The following CELSR1 variants were observed in gnomAD, a reference collection of about 807,000 sequenced individuals.
The protein encoded by CELSR1 is cadherin EGF LAG seven-pass G-type receptor 1.
In CELSR1, 110 loss-of-function variants were observed where a neutral mutation model predicts 249.1. That is an observed-to-expected ratio of 0.44 (90% confidence interval 0.38 to 0.52). CELSR1 has a LOEUF of 0.52. Ranked by LOEUF, CELSR1 falls within the 20% of genes least tolerant of loss-of-function variation. CELSR1 has a pLI of 0.00. For synonymous variants in CELSR1, 2,113 were observed against 1,900.0 expected (o/e 1.11, Z -2.92); for missense variants, 4,109 against 4,296.4 (o/e 0.96, Z 1.22).
rs1234792790 is a variant in CELSR1 at position 46,500,585 on chromosome 22, A to T, written c.3544+33042T>A. Among the ~76,000 whole-genome samples, 1 of 152,208 alleles carries T rather than the reference A, an allele frequency of 6.6e-6. No individual in the cohort carries two copies. The highest frequency in any genetic ancestry group is 1.5e-5 in the Non-Finnish European group (1 of 68,038). On this transcript the variant is annotated intron_variant, in intron 1 of 34. Transcript: ENST00000674500. The surrounding 1 kb of genome is among the most constrained non-coding windows in gnomAD (Gnocchi z 4.9). ...CAATGACACCCATAACTTGTCACAG[A>T]AGAACAGAGGCCCGAGCTAGCCCAC...
intron 1 of CELSR1, among the ~76,000 whole-genome samples, chr22:46,479,624 GC>G (rs1285699884): frequency 5.4e-5 from 6 of 111,670 alleles, no homozygotes; most frequent in Non-Finnish European, 9.5e-5. Flanking sequence ...TTGGGGGGGG[GC>G]CGGGGGTGGG....
Position 46,396,576 on chromosome 22 carries a change from T to G in CELSR1, c.5843+29A>C, listed in dbSNP as rs1056039354. 5.9e-6 allele frequency: 9 copies of G among 1,531,354 alleles called. No individual in the cohort carries two copies. The highest frequency in any genetic ancestry group is 7.9e-6 in the Non-Finnish European group (9 of 1,142,304). The allele number at this position is 1,531,354 out of a possible 1,614,324, so 94.9% of individuals were successfully genotyped here. On this transcript the variant is annotated intron_variant, in intron 13 of 34. Transcript: ENST00000674500. This position sits in a 1 kb window ranked among gnomAD's most constrained non-coding sequence, Gnocchi z 6.4. ...AACACAGCCACATGGACTCTGAAGGTGCAGGGAGGCACCAGGGGCTGCTCT... is the reference window on the plus strand; with the variant it reads ...AACACAGCCACATGGACTCTGAAGGGGCAGGGAGGCACCAGGGGCTGCTCT...
At position 46,368,549 on chromosome 22, in the gene CELSR1, T is replaced by C. The variant is rs552932722; in HGVS notation, c.7952+630A>G. ...CCAGCCCCTGCGCAAGCATTATCCC[T>C]TCGCCCATCCCTGGCTCAGTCCCAT... On this transcript the variant is annotated intron_variant, in intron 27 of 34. Transcript: ENST00000674500. Among the ~76,000 whole-genome samples the C allele has an allele frequency of 2.0e-5, 3 of 151,556 alleles. No individual in the cohort carries two copies. The South Asian group carries it at 6.3e-4, about 32-fold the overall frequency.
At chr22:46,486,025 C>T (rs2080310054) in intron 1 of CELSR1, among the ~76,000 whole-genome samples, 1 of 150,278 alleles carries the variant, frequency 6.7e-6, no homozygotes, top group Non-Finnish European at 1.5e-5. Flanking sequence ...GCAAGCTCCA[C>T]CTCCCAGGTT....
intron 1 of CELSR1, among the ~76,000 whole-genome samples, chr22:46,531,699 T>C (rs899217849): frequency 6.6e-6 from 1 of 152,172 alleles, no homozygotes; most frequent in Non-Finnish European, 1.5e-5. Flanking sequence ...AGGGCCTCAG[T>C]GTCTGCATCT....
Position 46,473,127 on chromosome 22 carries a change from G to A in CELSR1, c.3545-8782C>T, listed in dbSNP as rs1389268963. Among the ~76,000 whole-genome samples the A allele has an allele frequency of 2.0e-5, 3 of 152,146 alleles. No individual in the cohort carries two copies. Among genetic ancestry groups the A allele is most frequent in the Admixed American group, 6.5e-5 (1 of 15,268 alleles). On this transcript the variant is annotated intron_variant, in intron 1 of 34. Coordinates refer to ENST00000674500, the MANE Select transcript of CELSR1 (RefSeq NM_001378328.1). This position sits in a 1 kb window ranked among gnomAD's most constrained non-coding sequence, Gnocchi z 6.6. ...GCCTCGTGGGCTCTCGGTGCAGGAC[G>A]GCGGGGGTGGCTGAAGGAGAAATGT...
In CELSR1 at chr22:46,424,738, C is replaced by A. The variant is rs117855304; in HGVS notation, c.4611+8655G>T. ...CTGTAATCCCAACACTTTGGAAGCA[C>A]GAGATGGGTGGATTACTTGAGGTCA... is the stretch of plus-strand genomic sequence containing the variant. On this transcript the variant is annotated intron_variant, in intron 5 of 34. Transcript: ENST00000674500. Among the ~76,000 whole-genome samples, 4 of 152,290 alleles carry A rather than the reference C, an allele frequency of 2.6e-5. No individual in the cohort carries two copies. The East Asian group carries it at 7.7e-4, about 29-fold the overall frequency.
In CELSR1 at chr22:46,363,062, G is replaced by T; in HGVS notation, c.*161C>A. 1 of 1,461,606 alleles carries T rather than the reference G, an allele frequency of 6.8e-7. No homozygotes were observed. The highest frequency in any genetic ancestry group is 9.5e-7 in the Non-Finnish European group (1 of 1,049,848). The allele number at this position is 1,461,606 out of a possible 1,614,324, so 90.5% of individuals were successfully genotyped here. ...TTTGTGTCTGGATGATCAGTCGGGG[G>T]GCTGCCACCATGGGGACCGCCACAC... On this transcript the variant is annotated 3_prime_UTR_variant, in exon 35 of 35. Transcript: ENST00000674500. This position sits in a 1 kb window ranked among gnomAD's most constrained non-coding sequence, Gnocchi z 4.3.
At chr22:46,505,454 C>T (rs895398691) in intron 1 of CELSR1, among the ~76,000 whole-genome samples, 8 of 151,542 alleles carry the variant, frequency 5.3e-5, no homozygotes, top group African/African-American at 1.9e-4. Context: ...GGCAACACAG[C>T]GAGACCTGGT....
At chr22:46,533,570 T>G (rs576811652) in intron 1 of CELSR1, 57 bp downstream of exon 1, 9 of 1,505,434 alleles carry the variant, frequency 6.0e-6, no homozygotes, top group Admixed American at 2.2e-5. Flanking sequence ...GGCGGGTTCC[T>G]GAGGCTCTCC....
intron 18 of CELSR1, among the ~76,000 whole-genome samples, chr22:46,386,810 G>A (rs1004858331): frequency 3.3e-5 from 5 of 152,128 alleles, no homozygotes; most frequent in African/African-American, 1.2e-4. Context: ...CTGGAATGCA[G>A]TGGTGTCATC....
intron 1 of CELSR1, among the ~76,000 whole-genome samples, chr22:46,491,854 C>T (rs2080370654): frequency 6.6e-6 from 1 of 152,088 alleles, no homozygotes; most frequent in African/African-American, 2.4e-5. Context: ...CCAGGCTGGT[C>T]TCGAACTCCT....
Position 46,537,141 on chromosome 22 carries a change from G to A in CELSR1, c.30C>T (p.Pro10=). Residue 10 remains proline, a synonymous_variant, in exon 1 of 35, where the codon CCC becomes CCT. Coordinates refer to ENST00000674500, the MANE Select transcript of CELSR1 (RefSeq NM_001378328.1). This position sits in a 1 kb window ranked among gnomAD's most constrained non-coding sequence, Gnocchi z 5.8. ...CGGCGGCGGCCAGGAGCAGCAGCACGGGCAGCACGGGCGGCGGCGGCGGCG... is the reference window on the plus strand; with the variant it reads ...CGGCGGCGGCCAGGAGCAGCAGCACAGGCAGCACGGGCGGCGGCGGCGGCG... The part of the protein sequence containing the change: MAPPPPPVL[P]VLLLLAAAAA... 3 of 1,029,956 alleles carry A rather than the reference G, an allele frequency of 2.9e-6. No individual in the cohort carries two copies. Among genetic ancestry groups the A allele is most frequent in the South Asian group, 4.4e-5 (1 of 22,602 alleles). 63.8% of individuals were successfully genotyped at this position (1,029,956 alleles called of 1,614,324 possible).
intron 1 of CELSR1, among the ~76,000 whole-genome samples, chr22:46,497,747 A>G (rs1441210498): frequency 6.6e-6 from 1 of 152,170 alleles, no homozygotes; most frequent in Non-Finnish European, 1.5e-5. Flanking sequence ...AACCTACTAC[A>G]TGGAGTAATC....
rs765841329 is a variant in CELSR1, at chr22:46,536,321, T to C, written c.850A>G (p.Met284Val). 5 of 1,612,626 alleles carry C rather than the reference T, an allele frequency of 3.1e-6. No homozygotes were observed. The highest frequency in any genetic ancestry group is 4.2e-6 in the Non-Finnish European group (5 of 1,179,920). Residue 284 changes from methionine (M) to valine (V), a missense_variant, in exon 1 of 35, where the codon ATG becomes GTG. By Grantham distance (21) the Met-to-Val change is conservative. Transcript: ENST00000674500. Reference protein sequence around the residue: ...EGEEERVSYYMEGLFDERSRG... With the variant: ...EGEEERVSYYVEGLFDERSRG... Reference sequence around the variant, plus strand: ...GAGCGCTCGTCGAACAGCCCCTCCATGTAATAGCTCACGCGCTCCTCCTCG... The same window carrying C: ...GAGCGCTCGTCGAACAGCCCCTCCACGTAATAGCTCACGCGCTCCTCCTCG...
chr22:46,410,050 T>C lies in CELSR1; in HGVS notation c.4934-170A>G, dbSNP rs951582738. ...AGGAACATGGGAACTAAGAAGGTGC[T>C]GAACGCACTGACCACATTTGGAGAC... On this transcript the variant is annotated intron_variant, in intron 7 of 34. Coordinates refer to ENST00000674500, the MANE Select transcript of CELSR1 (RefSeq NM_001378328.1). The surrounding 1 kb of genome is among the most constrained non-coding windows in gnomAD (Gnocchi z 6.8). Among the ~76,000 whole-genome samples the C allele has an allele frequency of 6.6e-6, 1 of 152,206 alleles. No individual in the cohort carries two copies. Among genetic ancestry groups the C allele is most frequent in the Non-Finnish European group, 1.5e-5 (1 of 68,028 alleles).
intron 31 of CELSR1, 22 bp downstream of exon 31, chr22:46,365,564 T>C (rs2078759807): frequency 2.6e-6 from 4 of 1,568,156 alleles, no homozygotes; most frequent in South Asian, 1.2e-5. Flanking sequence ...CACGGGGTCC[T>C]CCCCCTCCAG....
In CELSR1 at chr22:46,399,595, A is replaced by T. The variant is rs951971016; in HGVS notation, c.5412+122T>A. ...AACAGAAGCCCACCTGCGGGGACCC[A>T]GAAAGTGCCTCCCCAAATCCACAAG... is the stretch of plus-strand genomic sequence containing the variant. On this transcript the variant is annotated intron_variant, in intron 10 of 34. Coordinates refer to ENST00000674500, the MANE Select transcript of CELSR1 (RefSeq NM_001378328.1). This position sits in a 1 kb window ranked among gnomAD's most constrained non-coding sequence, Gnocchi z 5.0. 3.7e-5 allele frequency: 36 copies of T among 981,816 alleles called. No individual in the cohort carries two copies. In the African/African-American group the frequency reaches 5.5e-4, roughly 15 times the overall value. The allele number at this position is 981,816 out of a possible 1,614,324, so 60.8% of individuals were successfully genotyped here. A position where few individuals can be genotyped will look rare whatever the true frequency, so the allele number is the denominator to read the frequency against.
At chr22:46,431,841 G>A (rs1191785762) in intron 5 of CELSR1, among the ~76,000 whole-genome samples, 1 of 152,166 alleles carries the variant, frequency 6.6e-6, no homozygotes, top group East Asian at 1.9e-4. Flanking sequence ...TCTTCCTCTT[G>A]CTCAGCCCTG....
Sources: gnomAD v4.1 joint callset for allele counts (sites outside exome capture counted in the v4.1 genomes callset) on GRCh38, gnomAD v4.1.1 for gene constraint, Gnocchi (gnomAD v3.1) non-coding constraint, MANE v1.5 for transcripts, NCBI Gene and HGNC (gene_info 2026-07-23, HGNC 2026-07-21) for gene names.